MYH13: variants seen among roughly 807,000 people sequenced by gnomAD.
MYH13 encodes myosin-13.
In MYH13, 177 loss-of-function variants were observed where a neutral mutation model predicts 232.1. The ratio of observed to expected loss-of-function variants is 0.76; its 90% confidence interval spans 0.67 to 0.86. The LOEUF (loss-of-function observed/expected upper bound fraction) is 0.86. Among genes scored for constraint, MYH13 ranks in the 40% least tolerant of loss-of-function variants. MYH13 has a pLI of 0.00. For synonymous variants in MYH13, 884 were observed against 923.5 expected, an observed-to-expected ratio of 0.96 and a Z score of 0.78; for missense variants, 2,246 against 2,405.9, an observed-to-expected ratio of 0.93 and a Z score of 1.39.
intron 34 of MYH13, 25 bp from the exon 35 acceptor site, chr17:10,309,462 C>A: frequency 6.3e-7 from 1 of 1,598,304 alleles, no homozygotes; most frequent in Non-Finnish European, 8.5e-7. Flanking sequence ...CAGAGTGAGG[C>A]CAGAGCCGCC....
chr17:10,308,916 T>G lies in MYH13; in HGVS notation c.5169+318A>C, dbSNP rs573774706. ...ATTATTTTGAAATAAAATCTTAATA[T>G]TCTAAGGTTTCCACTTAAATAGTAC... On this transcript the variant is annotated intron_variant, in intron 35 of 40. Transcript: ENST00000252172. 1.3e-5 allele frequency among the ~76,000 whole-genome samples: 2 copies of G among 152,354 alleles called. 1 individual carries two copies. Among genetic ancestry groups the G allele is most frequent in the Admixed American group, 1.3e-4 (2 of 15,308 alleles).
intron 33 of MYH13, among the ~76,000 whole-genome samples, chr17:10,310,079 C>G (rs931238434): frequency 6.7e-6 from 1 of 149,110 alleles, no homozygotes; most frequent in Non-Finnish European, 1.5e-5. Context: ...TGCCCAGAGC[C>G]CAAATAGGTT....
At chr17:10,361,313 C>T (rs1337156562) in intron 5 of MYH13, among the ~76,000 whole-genome samples, 46 of 137,972 alleles carry the variant, frequency 3.3e-4, no homozygotes, top group East Asian at 8.8e-4. Context: ...TTTTTTGAGA[C>T]GGAGTTTTGC....
intron 39 of MYH13, among the ~76,000 whole-genome samples, chr17:10,302,620 A>C (rs912163870): frequency 2.6e-5 from 4 of 152,190 alleles, no homozygotes; most frequent in Non-Finnish European, 5.9e-5. Flanking sequence ...AACATCCCTC[A>C]GAACCAGTGT....
chr17:10,321,526 C>T lies in MYH13; in HGVS notation c.3111+6G>A, dbSNP rs1464830046. The T allele has an allele frequency of 1.2e-6, 2 of 1,609,402 alleles. No homozygotes were observed. The highest frequency in any genetic ancestry group is 1.7e-6 in the Non-Finnish European group (2 of 1,178,010). The stretch of plus-strand genomic sequence containing the variant: ...ATGCTAAAGCATAGTAGTAAAATAT[C>T]CTCACATCATCTGTTTGCTGTTCAA... On this transcript the variant is annotated splice_donor_region_variant and intron_variant, in intron 24 of 40. Transcript: ENST00000252172.
chr17:10,350,378 C>T (rs944821051), intron 12 of MYH13, among the ~76,000 whole-genome samples, 178 bp downstream of exon 12: 1 of 152,130 alleles, frequency 6.6e-6, no homozygotes, highest in Admixed American at 6.5e-5. Context: ...CTCTGGGAGT[C>T]CTTGACTGAG....
chr17:10,359,139 G>T (rs535916477), intron 7 of MYH13, among the ~76,000 whole-genome samples: 323 of 152,340 alleles, frequency 2.1e-3, no homozygotes, highest in Non-Finnish European at 3.9e-3. Context: ...GTGTGCTAAT[G>T]AGATGATTGG....
At chr17:10,317,315 G>T (rs1483833623) in intron 27 of MYH13, among the ~76,000 whole-genome samples, 1 of 152,180 alleles carries the variant, frequency 6.6e-6, no homozygotes. Flanking sequence ...CAAACACATG[G>T]GAAAGCAGGA....
rs530012689 is a variant in MYH13 at position 10,304,690 on chromosome 17, A to G, written c.5467-1192T>C. Reference sequence around the variant, plus strand: ...ACTGAGCATGAGTTTCTGTATATTTAGGATGGAGATAATATTTCCTGCCCA... The same window carrying G: ...ACTGAGCATGAGTTTCTGTATATTTGGGATGGAGATAATATTTCCTGCCCA... On this transcript the variant is annotated intron_variant, in intron 37 of 40. Coordinates refer to ENST00000252172, the MANE Select transcript of MYH13 (RefSeq NM_003802.3). The surrounding 1 kb of genome is among the most constrained non-coding windows in gnomAD (Gnocchi z 5.3). 1.3e-5 allele frequency among the ~76,000 whole-genome samples: 2 copies of G among 152,364 alleles called. No homozygotes were observed. Among genetic ancestry groups the G allele is most frequent in the Admixed American group, 1.3e-4 (2 of 15,298 alleles).
chr17:10,356,843 G>T (rs1597388559), intron 8 of MYH13, among the ~76,000 whole-genome samples: 1 of 152,186 alleles, frequency 6.6e-6, no homozygotes, highest in African/African-American at 2.4e-5. Flanking sequence ...GAAATAGAGG[G>T]CTGGATGTGT....
intron 18 of MYH13, 121 bp downstream of exon 18, chr17:10,340,029 A>C (rs2071608904): frequency 2.5e-6 from 2 of 797,836 alleles, no homozygotes; most frequent in Admixed American, 2.8e-5. Flanking sequence ...CCTATTTCAG[A>C]GACTACTTTC....
At chr17:10,352,090 G>A (rs986294807) in intron 11 of MYH13, among the ~76,000 whole-genome samples, 1 of 152,166 alleles carries the variant, frequency 6.6e-6, no homozygotes, top group Non-Finnish European at 1.5e-5. Flanking sequence ...GGGAAGGGTC[G>A]TTGTAGGTTA....
intron 13 of MYH13, among the ~76,000 whole-genome samples, chr17:10,345,991 C>CAAAAAAAAAAAAAAAAAAA (rs1211414796): frequency 2.9e-4 from 24 of 83,020 alleles, no homozygotes; most frequent in East Asian, 4.2e-4. Context: ...GACTCTGTCT[C>CAAAAAAAAAAAAAAAAAAA]AAAAAAAAAA....
chr17:10,348,077 T>C (rs1257899810), intron 12 of MYH13, among the ~76,000 whole-genome samples: 1 of 152,170 alleles, frequency 6.6e-6, no homozygotes, highest in African/African-American at 2.4e-5. Context: ...TTAATAAAAA[T>C]CTAGGGCAGT....
intron 11 of MYH13, among the ~76,000 whole-genome samples, chr17:10,352,681 C>G (rs2071719561): frequency 6.6e-6 from 1 of 152,160 alleles, no homozygotes; most frequent in South Asian, 2.1e-4. Context: ...GAGGACATGA[C>G]TTAGGTAAGG....
intron 15 of MYH13, 87 bp downstream of exon 15, chr17:10,345,115 C>G: frequency 1.2e-6 from 2 of 1,608,186 alleles, no homozygotes; most frequent in Non-Finnish European, 1.7e-6. Context: ...GGCTAGGGGC[C>G]CCAATCTGTG....
rs1212028741 is a variant in MYH13, at chr17:10,323,917, G to A, written c.2934+105C>T. 13 of 1,445,550 alleles carry A rather than the reference G, an allele frequency of 9.0e-6. No individual in the cohort carries two copies. In the East Asian group the frequency reaches 1.2e-4, roughly 13 times the overall value. The allele number at this position is 1,445,550 out of a possible 1,614,324, so 89.5% of individuals were successfully genotyped here. ...CCTTGACGCCAGCCTCTCATTTCTGGGCAATGTTATATTGACTGGACTCCT... is the reference window on the plus strand; with the variant it reads ...CCTTGACGCCAGCCTCTCATTTCTGAGCAATGTTATATTGACTGGACTCCT... On this transcript the variant is annotated intron_variant, in intron 23 of 40. Coordinates refer to ENST00000252172, the MANE Select transcript of MYH13 (RefSeq NM_003802.3).
intron 18 of MYH13, among the ~76,000 whole-genome samples, chr17:10,337,611 C>G (rs892660841): frequency 3.3e-5 from 5 of 152,164 alleles, no homozygotes; most frequent in African/African-American, 1.2e-4. Flanking sequence ...AGAGGGCACA[C>G]TAGCTGCTTT....
At chr17:10,338,012 C>T (rs889025904) in intron 18 of MYH13, among the ~76,000 whole-genome samples, 6 of 152,092 alleles carry the variant, frequency 3.9e-5, no homozygotes, top group African/African-American at 1.2e-4. Flanking sequence ...GAGATCGTGC[C>T]ACTACACTCC....
Sources: gnomAD v4.1 joint callset for allele counts (sites outside exome capture counted in the v4.1 genomes callset) on GRCh38, gnomAD v4.1.1 for gene constraint, Gnocchi (gnomAD v3.1) non-coding constraint, MANE v1.5 for transcripts, NCBI Gene and HGNC (gene_info 2026-07-23, HGNC 2026-07-21) for gene names.